CLSTN2: variants seen among roughly 807,000 people sequenced by gnomAD.
The protein encoded by CLSTN2 is calsyntenin-2.
Under a neutral mutation model 101.2 loss-of-function variants are expected in CLSTN2, and 48 were observed. That is an observed-to-expected ratio of 0.47 (90% CI 0.38 to 0.60). The LOEUF (loss-of-function observed/expected upper bound fraction) is 0.60, where lower values mean the gene tolerates loss of function less well. Ranked by LOEUF, CLSTN2 falls within the 20% of genes least tolerant of loss-of-function variation. The pLI is 0.00. For missense variants in CLSTN2, 1,160 were observed against 1,238.2 expected (o/e 0.94, Z 0.95); for synonymous variants, 481 against 463.6 (o/e 1.04, Z -0.48).
At chr3:140,322,463 G>A (rs1559838619) in intron 2 of CLSTN2, among the ~76,000 whole-genome samples, 1 of 152,212 alleles carries the variant, frequency 6.6e-6, no homozygotes, top group Non-Finnish European at 1.5e-5. Flanking sequence ...AGAGCAAGAG[G>A]TGCTGAGTAG....
At chr3:140,539,518 TCTGAAAGCAAAAA>T (rs1309330496) in intron 9 of CLSTN2, among the ~76,000 whole-genome samples, 3 of 152,106 alleles carry the variant, frequency 2.0e-5, no homozygotes, top group Non-Finnish European at 4.4e-5. Flanking sequence ...TTGATGAGGG[TCTGAAAGCAAAAA>T]CAGTATCGTC....
At chr3:140,343,067 G>GT (rs912552265) in intron 2 of CLSTN2, among the ~76,000 whole-genome samples, 1 of 152,138 alleles carries the variant, frequency 6.6e-6, no homozygotes, top group Non-Finnish European at 1.5e-5. Context: ...GGCAGGGTAC[G>GT]TTTTTGTGGC....
intron 8 of CLSTN2, among the ~76,000 whole-genome samples, chr3:140,472,353 G>A (rs951898323): frequency 6.6e-6 from 1 of 152,180 alleles, no homozygotes; most frequent in African/African-American, 2.4e-5. Flanking sequence ...TATTCTTGGT[G>A]AGGAAAGTGT....
At chr3:139,984,579 C>G (rs1935990907) in intron 1 of CLSTN2, among the ~76,000 whole-genome samples, 1 of 152,164 alleles carries the variant, frequency 6.6e-6, no homozygotes, top group Non-Finnish European at 1.5e-5. Flanking sequence ...ACACCAGAGT[C>G]TCTGTTCCTC....
At chr3:139,976,343 G>T (rs1237122956) in intron 1 of CLSTN2, among the ~76,000 whole-genome samples, 1 of 152,226 alleles carries the variant, frequency 6.6e-6, no homozygotes, top group Non-Finnish European at 1.5e-5. Context: ...TGAATATAAA[G>T]AAGAGAATTA....
At chr3:140,046,637 TG>T (rs200729215) in intron 1 of CLSTN2, among the ~76,000 whole-genome samples, 7,680 of 152,300 alleles carry the variant, frequency 0.05, 645 homozygotes, top group African/African-American at 0.17. Context: ...GGCATGTTTT[TG>T]CAGTGGCTGG....
chr3:139,943,877 C>T (rs908082058), intron 1 of CLSTN2, among the ~76,000 whole-genome samples: 1 of 152,178 alleles, frequency 6.6e-6, no homozygotes, highest in Non-Finnish European at 1.5e-5. Flanking sequence ...TTCATCCTTA[C>T]AACCCAAACC....
intron 7 of CLSTN2, among the ~76,000 whole-genome samples, chr3:140,463,716 GGA>G (rs1390172005): frequency 6.6e-6 from 1 of 151,652 alleles, no homozygotes; most frequent in African/African-American, 2.4e-5. Context: ...TATAGGGTGA[GGA>G]GAGAGGGGCC....
intron 2 of CLSTN2, among the ~76,000 whole-genome samples, chr3:140,359,567 A>G (rs1370897307): frequency 1.3e-5 from 2 of 152,198 alleles, no homozygotes; most frequent in African/African-American, 2.4e-5. Flanking sequence ...TAATGGCATA[A>G]TTACTCCTGT....
At chr3:139,975,297 T>C (rs1041962931) in intron 1 of CLSTN2, among the ~76,000 whole-genome samples, 7 of 152,072 alleles carry the variant, frequency 4.6e-5, no homozygotes, top group African/African-American at 1.2e-4. Context: ...TAGGAAGAAC[T>C]GAATGAGTTC....
intron 5 of CLSTN2, among the ~76,000 whole-genome samples, chr3:140,447,658 T>C (rs1191121339): frequency 6.6e-6 from 1 of 152,250 alleles, no homozygotes; most frequent in Non-Finnish European, 1.5e-5. Context: ...CCTTTCACCC[T>C]ACCTTGTGAC....
chr3:140,420,995 T>C, intron 4 of CLSTN2, 130 bp from the exon 5 acceptor site: 1 of 992,464 alleles, frequency 1.0e-6, no homozygotes, highest in Non-Finnish European at 1.5e-6. Context: ...TTTGCCCTTG[T>C]TTTTACAAAG....
chr3:140,556,756 G>T (rs1232220462), intron 11 of CLSTN2, 95 bp downstream of exon 11: 12 of 1,257,752 alleles, frequency 9.5e-6, no homozygotes, highest in Non-Finnish European at 1.2e-5. Flanking sequence ...CAAAACAGGA[G>T]TTGCCTTTCG....
intron 1 of CLSTN2, among the ~76,000 whole-genome samples, chr3:140,002,295 C>CA (rs2006859564): frequency 6.6e-6 from 1 of 152,176 alleles, no homozygotes; most frequent in South Asian, 2.1e-4. Flanking sequence ...TTTTGATTTG[C>CA]ATTTCTCTGA....
At chr3:140,020,642 G>A (rs1576399323) in intron 1 of CLSTN2, among the ~76,000 whole-genome samples, 1 of 152,150 alleles carries the variant, frequency 6.6e-6, no homozygotes, top group East Asian at 1.9e-4. Flanking sequence ...GGCCAGACAG[G>A]CTCTGGGCTC....
intron 1 of CLSTN2, among the ~76,000 whole-genome samples, chr3:139,957,377 C>G (rs1353598954): frequency 6.6e-6 from 1 of 152,188 alleles, no homozygotes; most frequent in Non-Finnish European, 1.5e-5. Context: ...CAAGTATCCT[C>G]TCAACACTAA....
At chr3:140,104,438 G>A (rs150097271) in intron 1 of CLSTN2, among the ~76,000 whole-genome samples, 140 of 152,300 alleles carry the variant, frequency 9.2e-4, no homozygotes, top group African/African-American at 3.3e-3. Context: ...AGCAATGCTC[G>A]GCTAAGAGGA....
At chr3:140,195,138 G>T (rs1045485245) in intron 2 of CLSTN2, among the ~76,000 whole-genome samples, 2 of 152,230 alleles carry the variant, frequency 1.3e-5, no homozygotes, top group Non-Finnish European at 2.9e-5. Context: ...GCTGACCTGG[G>T]TAGGAGTGAG....
chr3:139,993,078 C>T (rs1158181414), intron 1 of CLSTN2, among the ~76,000 whole-genome samples: 1 of 152,074 alleles, frequency 6.6e-6, no homozygotes, highest in Non-Finnish European at 1.5e-5. Context: ...CTTAATTGTG[C>T]CTCAATTTCT....
Sources: gnomAD v4.1 joint callset for allele counts (sites outside exome capture counted in the v4.1 genomes callset) on GRCh38, gnomAD v4.1.1 for gene constraint, MANE v1.5 for transcripts, NCBI Gene and HGNC (gene_info 2026-07-23, HGNC 2026-07-21) for gene names.